PPP2R3A: variants seen among roughly 807,000 people sequenced by gnomAD.
The protein encoded by PPP2R3A is protein phosphatase 2 regulatory subunit B''alpha.
A neutral mutation model predicts 106.9 loss-of-function variants in PPP2R3A; 80 were observed. The ratio of observed to expected loss-of-function variants is 0.75; its 90% CI spans 0.62 to 0.90. PPP2R3A has a LOEUF of 0.90. PPP2R3A is among the 40% of genes least tolerant of loss of function. PPP2R3A has a pLI of 0.00. For synonymous variants in PPP2R3A, 483 were observed against 468.3 expected, an observed-to-expected ratio of 1.03 and a Z score of -0.41; for missense variants, 1,386 against 1,350.4, an observed-to-expected ratio of 1.03 and a Z score of -0.41.
At chr3:136,022,360 T>C (rs1035302370) in intron 2 of PPP2R3A, among the ~76,000 whole-genome samples, 1 of 152,156 alleles carries the variant, frequency 6.6e-6, no homozygotes, top group African/African-American at 2.4e-5. Flanking sequence ...TTAAAAAATT[T>C]TACATCTGAG....
At chr3:136,005,998 A>G (rs955701491) in intron 2 of PPP2R3A, among the ~76,000 whole-genome samples, 3 of 152,194 alleles carry the variant, frequency 2.0e-5, no homozygotes, top group Non-Finnish European at 4.4e-5. Context: ...GATGGACTGC[A>G]TAAAGTAGAA....
rs555564200 is a variant in PPP2R3A at position 136,079,667 on chromosome 3, G to A, written c.2631+1214G>A. Among the ~76,000 whole-genome samples the A allele has an allele frequency of 1.2e-4, 18 of 151,646 alleles. No individual in the cohort carries two copies. In the South Asian group the frequency reaches 3.3e-3, roughly 28 times the overall value. ...CATGATCCACCTGCCTCAGCCTCCC[G>A]AAGTCCTGGGATTACAAGCGTGAGC... On this transcript the variant is annotated intron_variant, in intron 7 of 13. Coordinates refer to ENST00000264977, the MANE Select transcript of PPP2R3A (RefSeq NM_002718.5).
At chr3:135,988,457 T>C (rs920794208) in intron 1 of PPP2R3A, among the ~76,000 whole-genome samples, 3 of 152,046 alleles carry the variant, frequency 2.0e-5, no homozygotes, top group Admixed American at 1.3e-4. Flanking sequence ...GTCTCTCTCT[T>C]CTACTCTTGT....
chr3:136,078,333 T>C (rs1257985240), intron 6 of PPP2R3A, 34 bp from the exon 7 acceptor site: 1 of 1,438,986 alleles, frequency 6.9e-7, no homozygotes, highest in East Asian at 2.3e-5. Flanking sequence ...ATCTTTAATG[T>C]TTTTATTTGG....
intron 5 of PPP2R3A, among the ~76,000 whole-genome samples, chr3:136,064,198 A>G (rs999027710): frequency 6.9e-6 from 1 of 145,928 alleles, no homozygotes; most frequent in African/African-American, 2.5e-5. Flanking sequence ...GTTCTCACTC[A>G]TAGGTGGGAA....
At chr3:136,014,483 A>G (rs1364844975) in intron 2 of PPP2R3A, among the ~76,000 whole-genome samples, 1 of 152,020 alleles carries the variant, frequency 6.6e-6, no homozygotes, top group African/African-American at 2.4e-5. Flanking sequence ...TGTTTATGTC[A>G]TCTATGATTT....
At chr3:136,033,769 C>T (rs1458777192) in intron 3 of PPP2R3A, among the ~76,000 whole-genome samples, 5 of 151,982 alleles carry the variant, frequency 3.3e-5, no homozygotes, top group Non-Finnish European at 5.9e-5. Context: ...TTTGGATTTT[C>T]TCTCTTCTTT....
intron 13 of PPP2R3A, among the ~76,000 whole-genome samples, chr3:136,133,802 G>A (rs865994943): frequency 6.9e-6 from 1 of 145,508 alleles, no homozygotes; most frequent in Non-Finnish European, 1.5e-5. Flanking sequence ...TTAAATATAT[G>A]TATTTTTTAT....
At chr3:136,057,077 C>A (rs1052012461) in intron 5 of PPP2R3A, among the ~76,000 whole-genome samples, 5 of 151,126 alleles carry the variant, frequency 3.3e-5, no homozygotes, top group East Asian at 3.9e-4. Context: ...GGACCCCCCC[C>A]ACACACACCG....
chr3:136,077,761 A>T (rs1468479054), intron 6 of PPP2R3A, among the ~76,000 whole-genome samples: 3 of 152,120 alleles, frequency 2.0e-5, no homozygotes, highest in Non-Finnish European at 4.4e-5. Context: ...ATTCTATCCA[A>T]GGTTTTCTCC....
chr3:136,103,366 C>T lies in PPP2R3A; in HGVS notation c.3212C>T (p.Ala1071Val), dbSNP rs200412700. 2.5e-5 allele frequency: 40 copies of T among 1,587,782 alleles called. No individual in the cohort carries two copies. In the East Asian group the frequency reaches 4.0e-4, roughly 16 times the overall value. Residue 1071 changes from alanine to valine, a missense_variant, in exon 12 of 14, where the codon GCG becomes GTG. Physicochemically the swap from Ala to Val is moderately conservative, Grantham distance 64. Transcript: ENST00000264977. Reference protein sequence around the residue: ...YLDHEQRDPFAVQKDVENDGP... With the variant: ...YLDHEQRDPFVVQKDVENDGP... ...GACCATGAACAGAGAGATCCCTTTGCGGTCCAGAAGGTAACAGTATAATTT... is the reference window on the plus strand; with the variant it reads ...GACCATGAACAGAGAGATCCCTTTGTGGTCCAGAAGGTAACAGTATAATTT...
At chr3:136,074,475 G>C (rs1936535280) in intron 6 of PPP2R3A, among the ~76,000 whole-genome samples, 2 of 152,190 alleles carry the variant, frequency 1.3e-5, no homozygotes, top group Admixed American at 6.5e-5. Flanking sequence ...AGAAATACCA[G>C]CAAATCATAG....
chr3:136,053,763 CA>C (rs1410103477), intron 5 of PPP2R3A, among the ~76,000 whole-genome samples: 10 of 152,122 alleles, frequency 6.6e-5, no homozygotes, highest in African/African-American at 1.9e-4. Flanking sequence ...TAATGCCTGT[CA>C]ATCAACACAC....
Position 136,078,591 on chromosome 3 carries a change from C to T in PPP2R3A, c.2631+138C>T, listed in dbSNP as rs185521593. The T allele has an allele frequency of 5.6e-5, 35 of 628,476 alleles. No individual in the cohort carries two copies. In the East Asian group the frequency reaches 7.1e-4, roughly 13 times the overall value. 38.9% of individuals were successfully genotyped at this position (628,476 alleles called of 1,614,324 possible). On this transcript the variant is annotated intron_variant, in intron 7 of 13. Transcript: ENST00000264977. ...CATTAAGCATTTATCAAATACCTGT[C>T]GTGGGATGCTGGAATGTTTTGGGTG...
chr3:135,969,998 G>A (rs896412865), intron 1 of PPP2R3A, among the ~76,000 whole-genome samples: 8 of 152,192 alleles, frequency 5.3e-5, no homozygotes, highest in African/African-American at 1.9e-4. Flanking sequence ...CCTGGTCTGG[G>A]AAGAGAGCAT....
chr3:136,093,003 A>G (rs1937130380), intron 10 of PPP2R3A, among the ~76,000 whole-genome samples: 3 of 152,252 alleles, frequency 2.0e-5, no homozygotes, highest in Admixed American at 1.3e-4. Flanking sequence ...TAAAAAATTC[A>G]GAAGAAAATA....
chr3:136,119,712 G>C (rs896566722), intron 13 of PPP2R3A, among the ~76,000 whole-genome samples: 1 of 152,216 alleles, frequency 6.6e-6, no homozygotes, highest in Non-Finnish European at 1.5e-5. Context: ...GGAAACAACA[G>C]ATGCTGGAGA....
chr3:136,064,674 G>A (rs985858161), intron 5 of PPP2R3A, among the ~76,000 whole-genome samples: 2 of 152,014 alleles, frequency 1.3e-5, no homozygotes, highest in Non-Finnish European at 2.9e-5. Context: ...ATATAAGACA[G>A]CCACGATCTA....
At chr3:135,986,384 T>C (rs1178929045) in intron 1 of PPP2R3A, among the ~76,000 whole-genome samples, 1 of 152,134 alleles carries the variant, frequency 6.6e-6, no homozygotes, top group Non-Finnish European at 1.5e-5. Flanking sequence ...CAACCTTGCC[T>C]GGCTAACCCA....
Sources: gnomAD v4.1 joint callset for allele counts (sites outside exome capture counted in the v4.1 genomes callset) on GRCh38, gnomAD v4.1.1 for gene constraint, MANE v1.5 for transcripts, NCBI Gene and HGNC (gene_info 2026-07-23, HGNC 2026-07-21) for gene names.